The following DUSP4 variants were observed in gnomAD, a reference collection of about 807,000 sequenced individuals.
DUSP4 encodes dual specificity phosphatase 4, also known as dual specificity protein phosphatase 4.
In DUSP4, 12 loss-of-function variants were observed where a neutral mutation model predicts 27.2. The observed-to-expected ratio is 0.44, with a 90% CI of 0.28 to 0.71. The LOEUF is 0.71. DUSP4 is among the 30% of genes least tolerant of loss of function. The probability of loss-of-function intolerance (pLI) is 0.14; values close to 1 mark genes in which losing one functional copy is unlikely to be tolerated. For synonymous variants in DUSP4, 257 were observed against 245.2 expected, an observed-to-expected ratio of 1.05 and a Z score of -0.45; for missense variants, 448 against 551.3, an observed-to-expected ratio of 0.81 and a Z score of 1.88.
chr8:29,348,758 C>T (rs1817775560), intron 1 of DUSP4: 4 of 984,640 alleles, frequency 4.1e-6, no homozygotes, highest in South Asian at 9.4e-5. Flanking sequence ...AAGGCGCCTG[C>T]GGGGGGGAGG....
At position 29,348,198 on chromosome 8, in the gene DUSP4, G is replaced by C. The variant is rs1282676332; in HGVS notation, c.433+1648C>G. 3 of 985,532 alleles carry C rather than the reference G, an allele frequency of 3.0e-6. No homozygotes were observed. In the Admixed American group the frequency reaches 1.8e-4, roughly 61 times the overall value. The allele number at this position is 985,532 out of a possible 1,614,324, so 61.0% of individuals were successfully genotyped here. On this transcript the variant is annotated intron_variant, in intron 1 of 3. Transcript: ENST00000240100. ...GCGCGCCCGCGCTCTCCATCGGGGG[G>C]ACTCGAGGGCAGCGCCGTGCGGGGA...
Position 29,345,243 on chromosome 8 carries a change from C to T in DUSP4, c.433+4603G>A, listed in dbSNP as rs939152267. Reference sequence around the variant, plus strand: ...TCTTGCCAGAAAAGTCATGCTCTTGCAAGAAAGTCTGGGGTTGTTTGAAGG... The same window carrying T: ...TCTTGCCAGAAAAGTCATGCTCTTGTAAGAAAGTCTGGGGTTGTTTGAAGG... On this transcript the variant is annotated intron_variant, in intron 1 of 3. Coordinates refer to ENST00000240100, the MANE Select transcript of DUSP4 (RefSeq NM_001394.7). 5.8e-5 allele frequency: 67 copies of T among 1,155,868 alleles called. No individual in the cohort carries two copies. The African/African-American group carries it at 9.8e-4, about 17-fold the overall frequency. The allele number at this position is 1,155,868 out of a possible 1,614,324, so 71.6% of individuals were successfully genotyped here. A position where few individuals can be genotyped will look rare whatever the true frequency, so the allele number is the denominator to read the frequency against.
intron 1 of DUSP4, chr8:29,348,011 C>G: frequency 2.0e-6 from 2 of 985,556 alleles, no homozygotes; most frequent in Non-Finnish European, 2.4e-6. Flanking sequence ...GCCCAAGGGC[C>G]GAGGTCCTGG....
intron 3 of DUSP4, 39 bp downstream of exon 3, chr8:29,338,243 G>T: frequency 1.0e-6 from 1 of 961,314 alleles, no homozygotes; most frequent in Non-Finnish European, 1.6e-6. Flanking sequence ...CTTCCCACCC[G>T]CCCTCAAACC....
At position 29,337,110 on chromosome 8, in the gene DUSP4, G is replaced by A; in HGVS notation, c.1101C>T (p.Ser367=). 6.2e-7 allele frequency: 1 copy of A among 1,610,776 alleles called. No homozygotes were observed. The highest frequency in any genetic ancestry group is 8.5e-7 in the Non-Finnish European group (1 of 1,178,608). Residue 367 remains serine, a synonymous_variant, in exon 4 of 4, where the codon AGC becomes AGT. Coordinates refer to ENST00000240100, the MANE Select transcript of DUSP4 (RefSeq NM_001394.7). The surrounding 1 kb of genome is among the most constrained non-coding windows in gnomAD (Gnocchi z 6.4). ...AGTGCACGCCCACGGAGACCGGAAA[G>A]CTGAAGACGAACTGCGAGGTGGGGG... is the stretch of plus-strand genomic sequence containing the variant. The part of the protein sequence containing the change: ...PATPTSQFVF[S]FPVSVGVHSA...
chr8:29,349,832 G>C lies in DUSP4; in HGVS notation c.433+14C>G, dbSNP rs960196573. On this transcript the variant is annotated intron_variant, in intron 1 of 3. Transcript: ENST00000240100. ...TCTCCCCGACTCCAGCTAGCGCCCG[G>C]AGCCCTCGTTTACCTTTGAGCAGGC... The C allele has an allele frequency of 2.0e-6, 3 of 1,479,444 alleles. No homozygotes were observed. The highest frequency in any genetic ancestry group is 2.7e-6 in the Non-Finnish European group (3 of 1,122,766). 91.6% of individuals were successfully genotyped at this position (1,479,444 alleles called of 1,614,324 possible).
chr8:29,350,099 G>A lies in DUSP4; in HGVS notation c.180C>T (p.Tyr60=). The A allele has an allele frequency of 6.2e-7, 1 of 1,608,700 alleles. No homozygotes were observed. Among genetic ancestry groups the A allele is most frequent in the Non-Finnish European group, 8.5e-7 (1 of 1,178,798 alleles). ...CRPFLAHSAG[Y]ILGSVNVRCN... ...AGCGCACGTTGACCGAACCTAGGAT[G>A]TAGCCCGCGCTGTGCGCCAGGAACG... is the stretch of plus-strand genomic sequence containing the variant. Residue 60 remains tyrosine, a synonymous_variant, in exon 1 of 4, where the codon TAC becomes TAT. Transcript: ENST00000240100.
intron 1 of DUSP4, chr8:29,347,755 G>A (rs1283116100): frequency 1.0e-6 from 1 of 985,418 alleles, no homozygotes; most frequent in Non-Finnish European, 1.2e-6. Context: ...ATGTTGGCCA[G>A]GCACCTCGCC....
chr8:29,348,267 G>C, intron 1 of DUSP4: 1 of 985,628 alleles, frequency 1.0e-6, no homozygotes, highest in Non-Finnish European at 1.2e-6. Context: ...TTGCGTCCCA[G>C]AGGAATTGCC....
In DUSP4 at chr8:29,337,541, G is replaced by A; in HGVS notation, c.800-130C>T. ...GCCGTGCTAGACCAAGGACTGGAGA[G>A]GAAGAAAACCCATGTAGGCAGGTCT... On this transcript the variant is annotated intron_variant, in intron 3 of 3. Coordinates refer to ENST00000240100, the MANE Select transcript of DUSP4 (RefSeq NM_001394.7). The surrounding 1 kb of genome is among the most constrained non-coding windows in gnomAD (Gnocchi z 6.4). The A allele has an allele frequency of 2.3e-6, 3 of 1,307,284 alleles. No homozygotes were observed. The highest frequency in any genetic ancestry group is 3.1e-6 in the Non-Finnish European group (3 of 974,016). The allele number at this position is 1,307,284 out of a possible 1,614,324, so 81.0% of individuals were successfully genotyped here. A position where few individuals can be genotyped will look rare whatever the true frequency, so the allele number is the denominator to read the frequency against.
intron 1 of DUSP4, among the ~76,000 whole-genome samples, chr8:29,346,506 G>C (rs759153480): frequency 6.6e-6 from 1 of 152,142 alleles, no homozygotes; most frequent in African/African-American, 2.4e-5. Flanking sequence ...CTAATCCAAG[G>C]ATTTACGAAT....
intron 1 of DUSP4, chr8:29,348,470 G>A (rs954163960): frequency 1.0e-6 from 1 of 985,610 alleles, no homozygotes. Context: ...GACAGCCCTC[G>A]CGGAAAAAGA....
chr8:29,339,515 GCCT>G (rs1817624916), intron 2 of DUSP4, among the ~76,000 whole-genome samples: 1 of 152,152 alleles, frequency 6.6e-6, no homozygotes, highest in Non-Finnish European at 1.5e-5. Context: ...GCTTCTGGAG[GCCT>G]CCTCACTTGT....
chr8:29,350,541 G>C lies in DUSP4; in HGVS notation c.-263C>G. ...CGGAGGGGGAGGCGCCGGTGGAGGA[G>C]AGTGTGTTTACGAGAGAGGACCGCG... is the stretch of plus-strand genomic sequence containing the variant. On this transcript the variant is annotated 5_prime_UTR_variant, in exon 1 of 4. Coordinates refer to ENST00000240100, the MANE Select transcript of DUSP4 (RefSeq NM_001394.7). 1 of 512,068 alleles carries C rather than the reference G, an allele frequency of 2.0e-6. No individual in the cohort carries two copies. The highest frequency in any genetic ancestry group is 3.4e-6 in the Non-Finnish European group (1 of 292,756). The allele number at this position is 512,068 out of a possible 1,614,324, so 31.7% of individuals were successfully genotyped here.
At position 29,336,248 on chromosome 8, in the gene DUSP4, C is replaced by T. The variant is rs1817571363; in HGVS notation, c.*778G>A. 6.6e-6 allele frequency: 1 copy of T among 150,954 alleles called. No homozygotes were observed. 9.4% of individuals were successfully genotyped at this position (150,954 alleles called of 1,614,324 possible). ...AAAAGCAATTCAAACCTAATTCTTC[C>T]CTTTCTTCCTCCTCCCACCCAACCC... On this transcript the variant is annotated 3_prime_UTR_variant, in exon 4 of 4. Coordinates refer to ENST00000240100, the MANE Select transcript of DUSP4 (RefSeq NM_001394.7).
rs1438934177 is a variant in DUSP4 at position 29,335,884 on chromosome 8, AG to A, written c.*1141del. On this transcript the variant is annotated 3_prime_UTR_variant, in exon 4 of 4. Coordinates refer to ENST00000240100, the MANE Select transcript of DUSP4 (RefSeq NM_001394.7). ...GCTGCAACCACCCAGTGATCATCGG[AG>A]GGAAAAAAGCTTGACTTACTGTGGT... 1 of 152,166 alleles carries A rather than the reference AG, an allele frequency of 6.6e-6. No individual in the cohort carries two copies. The highest frequency in any genetic ancestry group is 1.5e-5 in the Non-Finnish European group (1 of 68,032). 9.4% of individuals were successfully genotyped at this position (152,166 alleles called of 1,614,324 possible).
At chr8:29,348,289 C>G (rs1317972034) in intron 1 of DUSP4, 1 of 985,464 alleles carries the variant, frequency 1.0e-6, no homozygotes, top group African/African-American at 1.7e-5. Flanking sequence ...TCATCTCTCC[C>G]ACCAGCGCCG....
At chr8:29,349,783 C>T in intron 1 of DUSP4, 63 bp downstream of exon 1, 1 of 1,426,242 alleles carries the variant, frequency 7.0e-7, no homozygotes, top group Non-Finnish European at 9.1e-7. Flanking sequence ...GCCAATAAGG[C>T]GCAGGCCGCC....
Position 29,349,901 on chromosome 8 carries a change from C to G in DUSP4, c.378G>C (p.Leu126=), listed in dbSNP as rs1817796384. 1 of 1,555,640 alleles carries G rather than the reference C, an allele frequency of 6.4e-7. No homozygotes were observed. The highest frequency in any genetic ancestry group is 8.7e-7 in the Non-Finnish European group (1 of 1,154,410). Residue 126 remains leucine, a synonymous_variant, in exon 1 of 4, where the codon CTG becomes CTC. Transcript: ENST00000240100. ...CGTTGCGGCGCAGCGCCTGCACCAC[C>G]AGCGACACGGTGCTGTCCTCGCGGA... ...ESLREDSTVS[L]VVQALRRNAE...
Sources: allele counts gnomAD v4.1 joint callset (sites outside exome capture counted in the v4.1 genomes callset), GRCh38; gene constraint gnomAD v4.1.1; non-coding constraint Gnocchi (gnomAD v3.1); transcripts MANE v1.5; gene names NCBI Gene and HGNC (gene_info 2026-07-23, HGNC 2026-07-21).